The following ST6GAL1 variants were observed in gnomAD, a reference collection of about 807,000 sequenced individuals.
ST6GAL1 encodes the protein beta-galactoside alpha-2,6-sialyltransferase 1.
Under a neutral mutation model 38.0 loss-of-function variants are expected in ST6GAL1, and 20 were observed. That is an observed-to-expected ratio of 0.53 (90% CI 0.37 to 0.77). The LOEUF (loss-of-function observed/expected upper bound fraction) is 0.77, where lower values mean the gene tolerates loss of function less well. Ranked by LOEUF, ST6GAL1 falls within the 30% of genes least tolerant of loss-of-function variation. The pLI is 0.00. For missense variants in ST6GAL1, 432 were observed against 496.4 expected, an observed-to-expected ratio of 0.87 and a Z score of 1.23; for synonymous variants, 196 against 188.2, an observed-to-expected ratio of 1.04 and a Z score of -0.34.
chr3:187,061,837 G>T (rs929072129), intron 5 of ST6GAL1, among the ~76,000 whole-genome samples: 1 of 152,046 alleles, frequency 6.6e-6, no homozygotes, highest in Admixed American at 6.6e-5. Flanking sequence ...TACACCAAAG[G>T]CATACATACG....
intron 1 of ST6GAL1, among the ~76,000 whole-genome samples, chr3:186,960,892 C>T (rs1714912545): frequency 6.6e-6 from 1 of 151,920 alleles, no homozygotes; most frequent in South Asian, 2.1e-4. Flanking sequence ...TCTACCTCTC[C>T]CAGGGCCTCT....
intron 2 of ST6GAL1, among the ~76,000 whole-genome samples, chr3:187,013,318 TGTGAAATA>T (rs1717017255): frequency 6.6e-6 from 1 of 152,182 alleles, no homozygotes; most frequent in Non-Finnish European, 1.5e-5. Context: ...CCCATAACTC[TGTGAAATA>T]GGGACTATTA....
At chr3:186,945,988 CA>C (rs71167026) in intron 1 of ST6GAL1, among the ~76,000 whole-genome samples, 2,352 of 71,402 alleles carry the variant, frequency 0.033, 95 homozygotes, top group African/African-American at 0.12. Flanking sequence ...AAGACTCCGT[CA>C]AAAAAAAAAA....
intron 2 of ST6GAL1, among the ~76,000 whole-genome samples, chr3:186,970,845 A>T (rs1715323915): frequency 6.6e-6 from 1 of 152,204 alleles, no homozygotes; most frequent in African/African-American, 2.4e-5. Context: ...TGGCTATTAC[A>T]AGTTAAGCTG....
At chr3:187,071,612 T>C (rs1247933785) in intron 5 of ST6GAL1, among the ~76,000 whole-genome samples, 1 of 151,286 alleles carries the variant, frequency 6.6e-6, no homozygotes, top group Non-Finnish European at 1.5e-5. Flanking sequence ...CCCCAAAAAA[T>C]TAGCCGGGCG....
chr3:186,945,112 A>C (rs1049196916), intron 1 of ST6GAL1, among the ~76,000 whole-genome samples: 3 of 152,094 alleles, frequency 2.0e-5, no homozygotes, highest in African/African-American at 7.2e-5. Flanking sequence ...TGAGGCCAGA[A>C]GTTTGAGACC....
intron 2 of ST6GAL1, among the ~76,000 whole-genome samples, chr3:186,997,296 A>T (rs1716449287): frequency 6.6e-6 from 1 of 152,050 alleles, no homozygotes; most frequent in Admixed American, 6.5e-5. Context: ...AAGTGACAAA[A>T]CTGTCACTCA....
rs115972435 is a variant in ST6GAL1 at position 187,061,897 on chromosome 3, T to A, written c.705+10551T>A. ...TGGACTTTATGAAAATTAAAAATAA[T>A]TGTATATCAAAAGATACTCTCAACA... On this transcript the variant is annotated intron_variant, in intron 5 of 7. Coordinates refer to ENST00000169298, the MANE Select transcript of ST6GAL1 (RefSeq NM_173216.2). Among the ~76,000 whole-genome samples, 1,302 of 152,212 alleles carry A rather than the reference T, an allele frequency of 8.6e-3. 19 individuals carry two copies. The highest frequency in any genetic ancestry group is 0.03 in the African/African-American group (1,248 of 41,528).
chr3:186,975,877 C>A (rs1258033867), intron 2 of ST6GAL1, among the ~76,000 whole-genome samples: 1 of 152,146 alleles, frequency 6.6e-6, no homozygotes, highest in African/African-American at 2.4e-5. Flanking sequence ...CCAATCCTGG[C>A]CCTGGGAGGA....
intron 1 of ST6GAL1, among the ~76,000 whole-genome samples, chr3:186,946,527 G>A (rs1239512168): frequency 6.6e-6 from 1 of 152,086 alleles, no homozygotes; most frequent in Non-Finnish European, 1.5e-5. Context: ...TTACAGGTCT[G>A]AGCCACTGCT....
At chr3:186,999,445 T>C (rs1716538778) in intron 2 of ST6GAL1, among the ~76,000 whole-genome samples, 2 of 143,548 alleles carry the variant, frequency 1.4e-5, no homozygotes, top group South Asian at 2.2e-4. Context: ...GGAGTCTCAC[T>C]CCGTAGCCCA....
intron 2 of ST6GAL1, among the ~76,000 whole-genome samples, chr3:186,976,203 CTTTCCTTTGA>C (rs939570694): frequency 6.6e-6 from 1 of 152,170 alleles, no homozygotes; most frequent in East Asian, 1.9e-4. Flanking sequence ...CTTTCCTTTG[CTTTCCTTTGA>C]TTTCTCATCT....
intron 2 of ST6GAL1, among the ~76,000 whole-genome samples, chr3:186,982,077 T>G (rs958189469): frequency 6.6e-6 from 1 of 152,280 alleles, no homozygotes; most frequent in Non-Finnish European, 1.5e-5. Context: ...TTCAACTAGA[T>G]TTCCCTAGGT....
chr3:186,935,963 C>T (rs542468242), intron 1 of ST6GAL1, among the ~76,000 whole-genome samples: 196 of 149,944 alleles, frequency 1.3e-3, no homozygotes, highest in Non-Finnish European at 2.4e-3. Context: ...TTTATGTATT[C>T]TGTATTTACC....
chr3:187,047,193 C>T (rs1718328854), intron 4 of ST6GAL1, among the ~76,000 whole-genome samples: 1 of 151,986 alleles, frequency 6.6e-6, no homozygotes. Flanking sequence ...GATCCGCCCA[C>T]CTCGGCCTCC....
At chr3:187,002,468 A>G (rs561723672) in intron 2 of ST6GAL1, among the ~76,000 whole-genome samples, 4 of 152,342 alleles carry the variant, frequency 2.6e-5, no homozygotes, top group African/African-American at 7.2e-5. Context: ...GGAAAAGTCA[A>G]TGTAGTCATT....
chr3:187,041,751 T>C lies in ST6GAL1; in HGVS notation c.-50-903T>C, dbSNP rs144644575. On this transcript the variant is annotated intron_variant, in intron 3 of 7. Coordinates refer to ENST00000169298, the MANE Select transcript of ST6GAL1 (RefSeq NM_173216.2). ...TTGCTAATCCATAAAATGGAGATTA[T>C]AACACCTTTGAAGTGAACCCTGTAC... Among the ~76,000 whole-genome samples the C allele has an allele frequency of 1.8e-3, 271 of 152,342 alleles. 3 individuals carry two copies. In the East Asian group the frequency reaches 0.03, roughly 17 times the overall value.
At chr3:186,985,872 C>T (rs1353675779) in intron 2 of ST6GAL1, among the ~76,000 whole-genome samples, 6 of 152,112 alleles carry the variant, frequency 3.9e-5, no homozygotes, top group African/African-American at 1.4e-4. Flanking sequence ...AGGAATCTTC[C>T]CCGTGTATGT....
intron 1 of ST6GAL1, among the ~76,000 whole-genome samples, chr3:186,945,785 G>T (rs1156737590): frequency 6.7e-6 from 1 of 150,048 alleles, no homozygotes; most frequent in Non-Finnish European, 1.5e-5. Flanking sequence ...AGGAGATCGA[G>T]ACCATCCTGG....
Sources: gnomAD v4.1 joint callset for allele counts (sites outside exome capture counted in the v4.1 genomes callset) on GRCh38, gnomAD v4.1.1 for gene constraint, MANE v1.5 for transcripts, NCBI Gene and HGNC (gene_info 2026-07-23, HGNC 2026-07-21) for gene names.